FBN1: variants seen among roughly 807,000 people sequenced by gnomAD.
FBN1 encodes fibrillin-1.
In FBN1, 29 loss-of-function variants were observed where a neutral mutation model predicts 365.1. That is an observed-to-expected ratio of 0.08 (90% CI 0.06 to 0.11). The LOEUF (loss-of-function observed/expected upper bound fraction) is 0.11, where lower values mean the gene tolerates loss of function less well. Among genes scored for constraint, FBN1 ranks in the 10% least tolerant of loss-of-function variants. The probability of loss-of-function intolerance (pLI) is 1.00; values close to 1 mark genes in which losing one functional copy is unlikely to be tolerated. For missense variants in FBN1, 2,476 were observed against 3,703.2 expected, an observed-to-expected ratio of 0.67 and a Z score of 8.60; for synonymous variants, 1,210 against 1,270.5, an observed-to-expected ratio of 0.95 and a Z score of 1.01.
intron 8 of FBN1, among the ~76,000 whole-genome samples, chr15:48,527,830 C>T (rs546676073): frequency 5.3e-5 from 8 of 152,276 alleles, no homozygotes; most frequent in South Asian, 4.1e-4. Flanking sequence ...AATTATGTAA[C>T]GGTAAAGGTG....
At chr15:48,484,333 T>C (rs2043488616) in intron 30 of FBN1, among the ~76,000 whole-genome samples, 1 of 152,136 alleles carries the variant, frequency 6.6e-6, no homozygotes, top group Non-Finnish European at 1.5e-5. Flanking sequence ...GAAATAACCA[T>C]ACCTACTTAG....
rs148147223 is a variant in FBN1, at chr15:48,485,411, C to T, written c.3675G>A (p.Pro1225=). ...SEGSYECSCQ[P]GFALMPDQRS... ...TCTGGTCAGGCATTAGTGCAAATCCCGGCTGACAGCTACATTCATAGCTGC... is the reference window on the plus strand; with the variant it reads ...TCTGGTCAGGCATTAGTGCAAATCCTGGCTGACAGCTACATTCATAGCTGC... The change falls in exon 30 of 66, where the codon CCG becomes CCA. Residue 1225 remains proline, a synonymous_variant. Transcript: ENST00000316623. The T allele has an allele frequency of 6.9e-4, 1,116 of 1,614,168 alleles. 4 individuals are homozygous for T. The African/African-American group carries it at 0.013, about 19-fold the overall frequency.
chr15:48,497,220 A>G, intron 19 of FBN1, 46 bp downstream of exon 19: 1 of 1,613,164 alleles, frequency 6.2e-7, no homozygotes, highest in Non-Finnish European at 8.5e-7. Flanking sequence ...GAAAGAAGGA[A>G]TGCATTATGC....
chr15:48,441,183 C>T (rs1349705303), intron 50 of FBN1, among the ~76,000 whole-genome samples: 1 of 152,146 alleles, frequency 6.6e-6, no homozygotes, highest in African/African-American at 2.4e-5. Flanking sequence ...AAAATCTTTA[C>T]TCAAATAGTT....
chr15:48,413,454 A>G (rs1321046708), intron 64 of FBN1, among the ~76,000 whole-genome samples: 1 of 152,252 alleles, frequency 6.6e-6, no homozygotes, highest in African/African-American at 2.4e-5. Context: ...ACCCATGCCC[A>G]AGAGAGAACT....
At chr15:48,627,438 A>G (rs1304630077) in intron 2 of FBN1, among the ~76,000 whole-genome samples, 1 of 152,218 alleles carries the variant, frequency 6.6e-6, no homozygotes, top group Non-Finnish European at 1.5e-5. Context: ...GAGCACAAGA[A>G]AGATTCAACA....
chr15:48,499,699 T>C (rs973224682), intron 17 of FBN1, among the ~76,000 whole-genome samples: 1 of 148,206 alleles, frequency 6.7e-6, no homozygotes, highest in South Asian at 2.1e-4. Flanking sequence ...CAAATTTCTA[T>C]TTCTTAAAAT....
chr15:48,497,141 C>T, intron 19 of FBN1, 125 bp downstream of exon 19: 1 of 1,079,700 alleles, frequency 9.3e-7, no homozygotes, highest in Non-Finnish European at 1.4e-6. Context: ...GCTGTGCTAA[C>T]ATCCGAAGTA....
At chr15:48,528,538 T>C (rs954548697) in intron 8 of FBN1, among the ~76,000 whole-genome samples, 1 of 152,122 alleles carries the variant, frequency 6.6e-6, no homozygotes, top group Non-Finnish European at 1.5e-5. Context: ...GAATCAAACC[T>C]GAAATAAGAG....
intron 6 of FBN1, among the ~76,000 whole-genome samples, chr15:48,540,233 C>CT (rs1190663730): frequency 6.6e-6 from 1 of 151,996 alleles, no homozygotes; most frequent in African/African-American, 2.4e-5. Flanking sequence ...TAAGTAATTA[C>CT]TTTAGACAAT....
At chr15:48,626,229 C>G (rs1467705118) in intron 2 of FBN1, among the ~76,000 whole-genome samples, 1 of 150,006 alleles carries the variant, frequency 6.7e-6, no homozygotes, top group Non-Finnish European at 1.5e-5. Context: ...TGCACTCCAG[C>G]CTGGGTGACA....
intron 6 of FBN1, among the ~76,000 whole-genome samples, chr15:48,592,135 C>G (rs753692337): frequency 6.6e-6 from 1 of 152,162 alleles, no homozygotes; most frequent in African/African-American, 2.4e-5. Flanking sequence ...CTCAGACCTT[C>G]GATGAGTCTA....
intron 2 of FBN1, among the ~76,000 whole-genome samples, chr15:48,635,169 A>C (rs1374507514): frequency 6.6e-6 from 1 of 152,222 alleles, no homozygotes; most frequent in African/African-American, 2.4e-5. Flanking sequence ...TTAATGGAGC[A>C]GTTCTCCCAC....
intron 22 of FBN1, among the ~76,000 whole-genome samples, chr15:48,494,476 C>T (rs911005631): frequency 2.0e-5 from 3 of 152,144 alleles, no homozygotes; most frequent in Non-Finnish European, 4.4e-5. Context: ...CACTAAGATA[C>T]TCCAAAAGAC....
intron 53 of FBN1, 124 bp downstream of exon 53, chr15:48,436,837 T>G (rs1305239455): frequency 5.3e-6 from 4 of 756,038 alleles, no homozygotes; most frequent in Admixed American, 1.8e-5. Context: ...GAATGATGTA[T>G]GAGTGGATGG....
At chr15:48,502,471 TC>T in intron 17 of FBN1, among the ~76,000 whole-genome samples, 1 of 152,272 alleles carries the variant, frequency 6.6e-6, no homozygotes, top group Non-Finnish European at 1.5e-5. Flanking sequence ...TATGATTTAC[TC>T]TTTAATTTGT....
chr15:48,507,684 C>T (rs555510185), intron 15 of FBN1, among the ~76,000 whole-genome samples: 2 of 152,302 alleles, frequency 1.3e-5, no homozygotes, highest in African/African-American at 4.8e-5. Context: ...CACCATAGGA[C>T]TTTATTCTGC....
At chr15:48,591,616 G>C (rs1411647028) in intron 6 of FBN1, among the ~76,000 whole-genome samples, 1 of 152,194 alleles carries the variant, frequency 6.6e-6, no homozygotes, top group Non-Finnish European at 1.5e-5. Context: ...CCAAGAATAT[G>C]CAAGAATCCT....
intron 56 of FBN1, among the ~76,000 whole-genome samples, chr15:48,428,903 A>G (rs1333817718): frequency 1.3e-5 from 2 of 152,132 alleles, no homozygotes; most frequent in Non-Finnish European, 2.9e-5. Context: ...TTCATTTCCT[A>G]TTTCCCAGAC....
Sources: gnomAD v4.1 joint callset for allele counts (sites outside exome capture counted in the v4.1 genomes callset) on GRCh38, gnomAD v4.1.1 for gene constraint, MANE v1.5 for transcripts, NCBI Gene and HGNC (gene_info 2026-07-23, HGNC 2026-07-21) for gene names.